The following SMCHD1 variants were observed in gnomAD, a reference collection of about 807,000 sequenced individuals.
SMCHD1 encodes structural maintenance of chromosomes flexible hinge domain-containing protein 1.
In SMCHD1, 78 loss-of-function variants were observed where a neutral mutation model predicts 254.7. The observed-to-expected ratio is 0.31, with a 90% CI of 0.26 to 0.37. SMCHD1 has a LOEUF of 0.37. SMCHD1 is among the 10% of genes least tolerant of loss of function. The pLI is 1.00. For synonymous variants in SMCHD1, 766 were observed against 794.9 expected, an observed-to-expected ratio of 0.96 and a Z score of 0.61; for missense variants, 1,840 against 2,408.1, an observed-to-expected ratio of 0.76 and a Z score of 4.94.
chr18:2,785,322 A>G (rs1396885627), intron 45 of SMCHD1, among the ~76,000 whole-genome samples: 1 of 152,194 alleles, frequency 6.6e-6, no homozygotes, highest in East Asian at 1.9e-4. Flanking sequence ...AAAAATACAT[A>G]TAACATAAAA....
At chr18:2,692,733 G>C (rs183919557) in intron 7 of SMCHD1, among the ~76,000 whole-genome samples, 3 of 152,084 alleles carry the variant, frequency 2.0e-5, no homozygotes, top group Non-Finnish European at 4.4e-5. Flanking sequence ...TGTCACCCTC[G>C]TTTTACCTCT....
At chr18:2,716,156 T>C (rs1485858333) in intron 17 of SMCHD1, among the ~76,000 whole-genome samples, 1 of 152,210 alleles carries the variant, frequency 6.6e-6, no homozygotes, top group Non-Finnish European at 1.5e-5. Context: ...AGATTATCTA[T>C]GATTTCCTTG....
Position 2,728,504 on chromosome 18 carries a change from A to G in SMCHD1, c.2821A>G (p.Ile941Val), listed in dbSNP as rs1378769716. The stretch of plus-strand genomic sequence containing the variant: ...GAAACCTGATTCTGAAATTTTAGTT[A>G]TAGAAAATGGAACAGCTTTCCCATT... ...KVKPDSEILV[I>V]ENGTAFPFQV... The change falls in exon 23 of 48, where the codon ATA (isoleucine) becomes GTA (valine). Residue 941 changes from isoleucine to valine, a missense_variant. Physicochemically the swap from Ile to Val is conservative, Grantham distance 29. This residue lies in a region of SMCHD1 where 881 missense variants were observed against 1,009.5 expected (regional missense o/e 0.87). Transcript: ENST00000320876. 3 of 1,613,328 alleles carry G rather than the reference A, an allele frequency of 1.9e-6. No individual in the cohort carries two copies. Among genetic ancestry groups the G allele is most frequent in the East Asian group, 4.5e-5 (2 of 44,798 alleles).
At chr18:2,780,405 C>T (rs868298993) in intron 44 of SMCHD1, among the ~76,000 whole-genome samples, 31 of 151,908 alleles carry the variant, frequency 2.0e-4, no homozygotes, top group African/African-American at 6.8e-4. Context: ...TACACTGTAC[C>T]AGAAACTGGC....
chr18:2,661,401 A>G (rs865887690), intron 1 of SMCHD1, among the ~76,000 whole-genome samples: 2 of 151,752 alleles, frequency 1.3e-5, no homozygotes, highest in Non-Finnish European at 2.9e-5. Flanking sequence ...TTAAAAATCT[A>G]TGGGTTTTTA....
chr18:2,697,278 G>C (rs1156286839), intron 9 of SMCHD1, 156 bp downstream of exon 9: 2 of 468,756 alleles, frequency 4.3e-6, no homozygotes, highest in South Asian at 7.2e-5. Flanking sequence ...CAACTAAAGA[G>C]ATTATTCCTA....
chr18:2,665,694 A>G (rs985203371), intron 1 of SMCHD1, among the ~76,000 whole-genome samples: 6 of 152,198 alleles, frequency 3.9e-5, no homozygotes, highest in African/African-American at 1.4e-4. Context: ...CTTACAAAGC[A>G]TGGCTGTTCT....
Position 2,752,496 on chromosome 18 carries a change from A to G in SMCHD1, c.4290A>G (p.Thr1430=), listed in dbSNP as rs1249654457. 2.5e-6 allele frequency: 4 copies of G among 1,601,522 alleles called. No individual in the cohort carries two copies. The Admixed American group carries it at 5.0e-5, about 20-fold the overall frequency. ...SGNRPPANAE[T]FSCNKIKDND... ...CCTACTCCCCTTTCTAGGCAGAAAC[A>G]TTTAGTTGTAATAAAATAAAAGATA... Residue 1430 remains threonine, a synonymous_variant, in exon 34 of 48, where the codon ACA becomes ACG. Coordinates refer to ENST00000320876, the MANE Select transcript of SMCHD1 (RefSeq NM_015295.3).
chr18:2,720,709 T>C (rs775171623), intron 19 of SMCHD1, among the ~76,000 whole-genome samples: 6 of 152,180 alleles, frequency 3.9e-5, no homozygotes, highest in Non-Finnish European at 8.8e-5. Flanking sequence ...TCATATTTAG[T>C]ATATAATTTT....
rs2074109485 is a variant in SMCHD1, at chr18:2,688,824, T to A, written c.873+77T>A. 3.1e-5 allele frequency: 29 copies of A among 934,558 alleles called. No homozygotes were observed. The South Asian group carries it at 5.8e-4, about 19-fold the overall frequency. The allele number at this position is 934,558 out of a possible 1,614,324, so 57.9% of individuals were successfully genotyped here. On this transcript the variant is annotated intron_variant, in intron 7 of 47. Coordinates refer to ENST00000320876, the MANE Select transcript of SMCHD1 (RefSeq NM_015295.3). ...TGGGACAGAACTTAACTTGAAAGTA[T>A]GAAATTTTCAAAATGAGTTACCCTT...
chr18:2,801,159 C>T (rs1236270027), intron 47 of SMCHD1: 1 of 152,044 alleles, frequency 6.6e-6, no homozygotes, highest in East Asian at 1.9e-4. Flanking sequence ...AGAGGATTTC[C>T]TAGGGATGAA....
At position 2,688,643 on chromosome 18, in the gene SMCHD1, G is replaced by T; in HGVS notation, c.769G>T (p.Ala257Ser). ...TATTTAACAGATGATAAGCAAACCT[G>T]CAGATTCCCAAGATGTTCACGAGCT... is the stretch of plus-strand genomic sequence containing the variant. ...GQSARMISKP[A>S]DSQDVHELVL... Residue 257 changes from alanine (A) to serine (S), a missense_variant, in exon 7 of 48, where the codon GCA becomes TCA. Ala to Ser is a moderately conservative substitution (Grantham distance 99, BLOSUM62 1). Coordinates refer to ENST00000320876, the MANE Select transcript of SMCHD1 (RefSeq NM_015295.3). The T allele has an allele frequency of 6.4e-7, 1 of 1,558,326 alleles. No homozygotes were observed. The highest frequency in any genetic ancestry group is 8.7e-7 in the Non-Finnish European group (1 of 1,152,456).
chr18:2,777,163 T>C (rs1339215623), intron 42 of SMCHD1, among the ~76,000 whole-genome samples: 1 of 151,956 alleles, frequency 6.6e-6, no homozygotes, highest in Admixed American at 6.6e-5. Flanking sequence ...GGATCATTGA[T>C]TTAGGGAAAG....
chr18:2,773,862 G>T (rs1001990802), intron 41 of SMCHD1, among the ~76,000 whole-genome samples: 2 of 152,150 alleles, frequency 1.3e-5, no homozygotes, highest in Non-Finnish European at 1.5e-5. Flanking sequence ...AGCGGAGGTT[G>T]CAGTGAGCCG....
chr18:2,655,980 C>A lies in SMCHD1; in HGVS notation c.-96C>A. On this transcript the variant is annotated 5_prime_UTR_variant, in exon 1 of 48. Coordinates refer to ENST00000320876, the MANE Select transcript of SMCHD1 (RefSeq NM_015295.3). The stretch of plus-strand genomic sequence containing the variant: ...GCGCCGGGCCGAGGCCTCGAGCCGC[C>A]CCGGGAGCTGGAGCTGAAGGCGCCG... 1 of 1,080,862 alleles carries A rather than the reference C, an allele frequency of 9.3e-7. No homozygotes were observed. Among genetic ancestry groups the A allele is most frequent in the Non-Finnish European group, 1.2e-6 (1 of 849,084 alleles). 67.0% of individuals were successfully genotyped at this position (1,080,862 alleles called of 1,614,324 possible). A position where few individuals can be genotyped will look rare whatever the true frequency, so the allele number is the denominator to read the frequency against.
rs2073517807 is a variant in SMCHD1, at chr18:2,668,959, C to T, written c.424+1928C>T. On this transcript the variant is annotated intron_variant, in intron 3 of 47. Coordinates refer to ENST00000320876, the MANE Select transcript of SMCHD1 (RefSeq NM_015295.3). ...ACGTGACCATAGCACACTGTAGCCT[C>T]GAACTCCTAAGCTTAAACAATCCCC... 3.3e-5 allele frequency among the ~76,000 whole-genome samples: 5 copies of T among 151,866 alleles called. No homozygotes were observed. The South Asian group carries it at 1.0e-3, about 32-fold the overall frequency.
In SMCHD1 at chr18:2,718,914, A is replaced by G. The variant is rs926893522; in HGVS notation, c.2458+480A>G. Among the ~76,000 whole-genome samples, 10 of 152,082 alleles carry G rather than the reference A, an allele frequency of 6.6e-5. No homozygotes were observed. The highest frequency in any genetic ancestry group is 2.4e-4 in the African/African-American group (10 of 41,416). On this transcript the variant is annotated intron_variant, in intron 19 of 47. Coordinates refer to ENST00000320876, the MANE Select transcript of SMCHD1 (RefSeq NM_015295.3). This position sits in a 1 kb window ranked among gnomAD's most constrained non-coding sequence, Gnocchi z 4.6. Reference sequence around the variant, plus strand: ...ATAATCATATTCCTTCTGAATTTTGAAGACATTGTTTTCTACTTTTCATTG... The same window carrying G: ...ATAATCATATTCCTTCTGAATTTTGGAGACATTGTTTTCTACTTTTCATTG...
intron 24 of SMCHD1, among the ~76,000 whole-genome samples, chr18:2,730,693 A>C (rs2075122543): frequency 6.6e-6 from 1 of 152,232 alleles, no homozygotes; most frequent in Non-Finnish European, 1.5e-5. Context: ...GGTGATAGAT[A>C]ATCTAATTGG....
chr18:2,799,995 A>C (rs2076331143), intron 47 of SMCHD1, among the ~76,000 whole-genome samples: 4 of 152,120 alleles, frequency 2.6e-5, no homozygotes, highest in African/African-American at 9.7e-5. Context: ...AAATGTCTTC[A>C]TTTTGCGTTC....
Sources: gnomAD v4.1 joint callset for allele counts (sites outside exome capture counted in the v4.1 genomes callset) on GRCh38, gnomAD v4.1.1 for gene constraint, gnomAD v4.1.1 regional missense constraint, Gnocchi (gnomAD v3.1) non-coding constraint, MANE v1.5 for transcripts, NCBI Gene and HGNC (gene_info 2026-07-23, HGNC 2026-07-21) for gene names.